ADIPOR2: variants seen among roughly 807,000 people sequenced by gnomAD.
ADIPOR2 encodes the protein adiponectin receptor protein 2.
Under a neutral mutation model 40.9 loss-of-function variants are expected in ADIPOR2, and 18 were observed. The observed-to-expected ratio is 0.44, with a 90% CI of 0.30 to 0.65. The LOEUF (loss-of-function observed/expected upper bound fraction) is 0.65, where lower values mean the gene tolerates loss of function less well. Among genes scored for constraint, ADIPOR2 ranks in the 30% least tolerant of loss-of-function variants. The probability of loss-of-function intolerance (pLI) is 0.09; values close to 1 mark genes in which losing one functional copy is unlikely to be tolerated. For missense variants in ADIPOR2, 283 were observed against 479.2 expected, an observed-to-expected ratio of 0.59 and a Z score of 3.82; for synonymous variants, 165 against 166.4, an observed-to-expected ratio of 0.99 and a Z score of 0.06.
chr12:1,694,960 G>A (rs780244617), intron 1 of ADIPOR2, among the ~76,000 whole-genome samples: 5 of 148,358 alleles, frequency 3.4e-5, no homozygotes, highest in Non-Finnish European at 6.0e-5. Flanking sequence ...ATATCAATAT[G>A]TTGTTATTTA....
At chr12:1,766,373 A>G (rs916958307) in intron 2 of ADIPOR2, among the ~76,000 whole-genome samples, 1 of 152,210 alleles carries the variant, frequency 6.6e-6, no homozygotes, top group African/African-American at 2.4e-5. Flanking sequence ...GTCAAGGTGT[A>G]TAGTGGGGTG....
chr12:1,783,456 A>G (rs1199281739), intron 6 of ADIPOR2, among the ~76,000 whole-genome samples: 7 of 148,840 alleles, frequency 4.7e-5, no homozygotes, highest in Non-Finnish European at 7.4e-5. Flanking sequence ...CTGGGGTGCA[A>G]TGGCGTGATC....
chr12:1,712,116 C>T (rs1039042741), intron 1 of ADIPOR2, among the ~76,000 whole-genome samples: 11 of 152,130 alleles, frequency 7.2e-5, no homozygotes, highest in Admixed American at 1.3e-4. Flanking sequence ...CCATTCTTCA[C>T]AGATGAACTG....
intron 2 of ADIPOR2, among the ~76,000 whole-genome samples, chr12:1,758,497 G>A (rs186177154): frequency 4.9e-4 from 75 of 152,272 alleles, no homozygotes; most frequent in Admixed American, 1.6e-3. Flanking sequence ...AAATTTGCGT[G>A]TGTATGTTGT....
At chr12:1,698,313 C>T (rs2094643505) in intron 1 of ADIPOR2, among the ~76,000 whole-genome samples, 1 of 152,094 alleles carries the variant, frequency 6.6e-6, no homozygotes, top group Admixed American at 6.6e-5. Context: ...TCACGGCTCA[C>T]TGCCCTCTCG....
At chr12:1,707,302 T>C (rs1379762686) in intron 1 of ADIPOR2, among the ~76,000 whole-genome samples, 1 of 152,206 alleles carries the variant, frequency 6.6e-6, no homozygotes, top group Admixed American at 6.5e-5. Context: ...CTGAGTCATA[T>C]GGTGTATATT....
chr12:1,769,632 C>T (rs1862455962), intron 2 of ADIPOR2, among the ~76,000 whole-genome samples: 1 of 151,976 alleles, frequency 6.6e-6, no homozygotes, highest in South Asian at 2.1e-4. Context: ...CCCCCACCTC[C>T]TGGGTTCAAG....
intron 1 of ADIPOR2, among the ~76,000 whole-genome samples, chr12:1,703,280 C>T (rs1320533623): frequency 6.6e-6 from 1 of 152,082 alleles, no homozygotes; most frequent in East Asian, 1.9e-4. Context: ...TATAATCTTA[C>T]AGTGCAAAAT....
At chr12:1,738,933 T>G (rs1026861955) in intron 1 of ADIPOR2, among the ~76,000 whole-genome samples, 3 of 152,190 alleles carry the variant, frequency 2.0e-5, no homozygotes, top group Admixed American at 6.5e-5. Flanking sequence ...TTTGGGGAGA[T>G]TATTTGTTTT....
At chr12:1,693,928 T>C (rs946100815) in intron 1 of ADIPOR2, among the ~76,000 whole-genome samples, 2 of 152,190 alleles carry the variant, frequency 1.3e-5, no homozygotes, top group African/African-American at 4.8e-5. Context: ...AGAAAGGGGC[T>C]TATGAACCGG....
intron 1 of ADIPOR2, among the ~76,000 whole-genome samples, chr12:1,750,203 A>T (rs2094766026): frequency 6.6e-6 from 1 of 151,928 alleles, no homozygotes; most frequent in Non-Finnish European, 1.5e-5. Context: ...TTTTCTATGG[A>T]GCAGTTGTAA....
At position 1,787,599 on chromosome 12, in the gene ADIPOR2, C is replaced by T. The variant is rs573611367; in HGVS notation, c.*1527C>T. On this transcript the variant is annotated 3_prime_UTR_variant, in exon 8 of 8. Coordinates refer to ENST00000357103, the MANE Select transcript of ADIPOR2 (RefSeq NM_024551.3). ...CTGATCTTGGCCCATAGGTGAACCA[C>T]CAAAATAGTGCTCGAGTCTTAGGTT... 1.4e-4 allele frequency: 21 copies of T among 152,232 alleles called. No homozygotes were observed. Among genetic ancestry groups the T allele is most frequent in the African/African-American group, 5.1e-4 (21 of 41,532 alleles). The allele number at this position is 152,232 out of a possible 1,614,324, so 9.4% of individuals were successfully genotyped here. A position where few individuals can be genotyped will look rare whatever the true frequency, so the allele number is the denominator to read the frequency against.
rs575499175 is a variant in ADIPOR2, at chr12:1,738,373, C to A, written c.-86-15885C>A. 1.4e-4 allele frequency among the ~76,000 whole-genome samples: 21 copies of A among 152,096 alleles called. No homozygotes were observed. In the South Asian group the frequency reaches 4.4e-3, roughly 32 times the overall value. On this transcript the variant is annotated intron_variant, in intron 1 of 7. Coordinates refer to ENST00000357103, the MANE Select transcript of ADIPOR2 (RefSeq NM_024551.3). ...GCCCAGCTTGGGTGACAGAGTGAGACCTTGTCTCAAAAAAAATTTTTAGTA... is the reference window on the plus strand; with the variant it reads ...GCCCAGCTTGGGTGACAGAGTGAGAACTTGTCTCAAAAAAAATTTTTAGTA...
intron 1 of ADIPOR2, among the ~76,000 whole-genome samples, chr12:1,692,591 T>C (rs1565626557): frequency 6.6e-6 from 1 of 152,212 alleles, no homozygotes; most frequent in Non-Finnish European, 1.5e-5. Flanking sequence ...ATTTCCTCTT[T>C]TCACTTGACA....
At chr12:1,729,624 T>G (rs902393637) in intron 1 of ADIPOR2, among the ~76,000 whole-genome samples, 1 of 39,978 alleles carries the variant, frequency 2.5e-5, no homozygotes, top group East Asian at 1.1e-3. Flanking sequence ...GTTGTTTTTT[T>G]TTTTTTTTTT....
At position 1,718,002 on chromosome 12, in the gene ADIPOR2, T is replaced by C. The variant is rs560224788; in HGVS notation, c.-87+26811T>C. ...TTTCCTTTAGCAAAAGGTGAAACTA[T>C]AGTCAATATATAGATTATAAGTAAA... On this transcript the variant is annotated intron_variant, in intron 1 of 7. Transcript: ENST00000357103. 9.2e-5 allele frequency among the ~76,000 whole-genome samples: 14 copies of C among 152,270 alleles called. 1 individual carries two copies. In the South Asian group the frequency reaches 2.9e-3, roughly 32 times the overall value.
chr12:1,742,034 T>C (rs900186265), intron 1 of ADIPOR2, among the ~76,000 whole-genome samples: 1 of 152,094 alleles, frequency 6.6e-6, no homozygotes, highest in African/African-American at 2.4e-5. Context: ...AATCTTATGA[T>C]TGTTGAACTC....
chr12:1,713,132 G>T lies in ADIPOR2; in HGVS notation c.-87+21941G>T, dbSNP rs117038729. Among the ~76,000 whole-genome samples, 97 of 152,250 alleles carry T rather than the reference G, an allele frequency of 6.4e-4. No individual in the cohort carries two copies. In the East Asian group the frequency reaches 0.017, roughly 26 times the overall value. ...TGGGGCAAGACTGTCCACGTAAGTTGGGACGTGTGATCTGTAGGATCCTCA... is the reference window on the plus strand; with the variant it reads ...TGGGGCAAGACTGTCCACGTAAGTTTGGACGTGTGATCTGTAGGATCCTCA... On this transcript the variant is annotated intron_variant, in intron 1 of 7. Transcript: ENST00000357103.
intron 1 of ADIPOR2, among the ~76,000 whole-genome samples, chr12:1,694,367 A>G (rs2154441070): frequency 6.6e-6 from 1 of 152,354 alleles, no homozygotes; most frequent in Admixed American, 6.5e-5. Flanking sequence ...CCTTTGGTGA[A>G]TATCAAGATG....
Sources: gnomAD v4.1 joint callset for allele counts (sites outside exome capture counted in the v4.1 genomes callset) on GRCh38, gnomAD v4.1.1 for gene constraint, MANE v1.5 for transcripts, NCBI Gene and HGNC (gene_info 2026-07-23, HGNC 2026-07-21) for gene names.